Variants in ARHGAP25 observed in about 807,000 individuals in gnomAD.
ARHGAP25 encodes the protein Rho GTPase activating protein 25, also known as rho GTPase-activating protein 25.
Under a neutral mutation model 71.0 loss-of-function variants are expected in ARHGAP25, and 34 were observed. The observed-to-expected ratio is 0.48, with a 90% CI of 0.36 to 0.64. The LOEUF (loss-of-function observed/expected upper bound fraction) is 0.64. ARHGAP25 is among the 30% of genes least tolerant of loss of function. The probability of loss-of-function intolerance (pLI) is 0.00; values close to 1 mark genes in which losing one functional copy is unlikely to be tolerated. For missense variants in ARHGAP25, 706 were observed against 805.1 expected (o/e 0.88, Z 1.49); for synonymous variants, 282 against 296.5 (o/e 0.95, Z 0.50).
upstream of ARHGAP25, among the ~76,000 whole-genome samples, chr2:68,732,693 G>A (rs186204434): frequency 1.8e-4 from 27 of 152,328 alleles, no homozygotes; most frequent in African/African-American, 6.5e-4. Context: ...TGCTGCTGAG[G>A]ACTGGGTGTA....
rs184240662 is a variant in ARHGAP25 at position 68,787,351 on chromosome 2, G to C, written c.350-489G>C. Among the ~76,000 whole-genome samples the C allele has an allele frequency of 1.6e-4, 24 of 152,272 alleles. 1 individual carries two copies. Among genetic ancestry groups the C allele is most frequent in the Middle Eastern group, 3.4e-3 (1 of 294 alleles). Reference sequence around the variant, plus strand: ...AGGAGAGCAGAAATATGATCACCAAGCACCAATTTTGTGAAAAAAGCACAC... The same window carrying C: ...AGGAGAGCAGAAATATGATCACCAACCACCAATTTTGTGAAAAAAGCACAC... On this transcript the variant is annotated intron_variant, in intron 3 of 10. Transcript: ENST00000409202.
chr2:68,789,693 GTGGATGTTGCC>G (rs1679029603), intron 4 of ARHGAP25, among the ~76,000 whole-genome samples: 1 of 152,198 alleles, frequency 6.6e-6, no homozygotes, highest in Non-Finnish European at 1.5e-5. Context: ...GACAAGGGTA[GTGGATGTTGCC>G]TAATCATGCA....
chr2:68,812,999 A>G (rs966338119), intron 5 of ARHGAP25, among the ~76,000 whole-genome samples: 1 of 152,240 alleles, frequency 6.6e-6, no homozygotes, highest in African/African-American at 2.4e-5. Context: ...GAAGAAAGCA[A>G]TAAAGACGAA....
At chr2:68,784,324 G>A (rs545623231) in intron 3 of ARHGAP25, among the ~76,000 whole-genome samples, 39 of 152,170 alleles carry the variant, frequency 2.6e-4, no homozygotes, top group Non-Finnish European at 4.7e-4. Flanking sequence ...TATCCTTCAT[G>A]TTATAACATA....
At position 68,826,561 on chromosome 2, in the gene ARHGAP25, C is replaced by T. The variant is rs1682151702; in HGVS notation, c.*367C>T. ...TTAATTCTTTGTTTTTTGTGTGGAACAGCTCACCTTGTCAGACAGCCTCAG... is the reference window on the plus strand; with the variant it reads ...TTAATTCTTTGTTTTTTGTGTGGAATAGCTCACCTTGTCAGACAGCCTCAG... On this transcript the variant is annotated 3_prime_UTR_variant, in exon 11 of 11. Transcript: ENST00000409202. 2.8e-6 allele frequency: 1 copy of T among 360,568 alleles called. No individual in the cohort carries two copies. 22.3% of individuals were successfully genotyped at this position (360,568 alleles called of 1,614,324 possible). A position where few individuals can be genotyped will look rare whatever the true frequency, so the allele number is the denominator to read the frequency against.
At chr2:68,762,433 G>A (rs1373532255) in intron 1 of ARHGAP25, among the ~76,000 whole-genome samples, 1 of 152,140 alleles carries the variant, frequency 6.6e-6, no homozygotes, top group African/African-American at 2.4e-5. Context: ...AATCACGCAA[G>A]TTATAATTTG....
At position 68,740,129 on chromosome 2, in the gene ARHGAP25, C is replaced by T. The variant is rs112115584; in HGVS notation, c.61+4869C>T. On this transcript the variant is annotated intron_variant, in intron 1 of 10. Transcript: ENST00000409202. ...CAGAGACAAGGAAACAACTGCAAAG[C>T]GGTGAGACAGGTGCTGTGATGATGA... 8.7e-3 allele frequency among the ~76,000 whole-genome samples: 1,321 copies of T among 152,208 alleles called. 23 individuals carry two copies. The highest frequency in any genetic ancestry group is 0.03 in the African/African-American group (1,240 of 41,520).
chr2:68,789,055 C>T (rs1007870874), intron 4 of ARHGAP25, among the ~76,000 whole-genome samples: 6 of 150,844 alleles, frequency 4.0e-5, no homozygotes, highest in South Asian at 2.1e-4. Context: ...TTTTCCGAGA[C>T]GGAGTCTTGG....
At chr2:68,821,220 A>G (rs977045838) in intron 9 of ARHGAP25, among the ~76,000 whole-genome samples, 14 of 148,128 alleles carry the variant, frequency 9.5e-5, no homozygotes, top group African/African-American at 3.5e-4. Flanking sequence ...TCGGCCTCCC[A>G]AGTAGCTGGG....
chr2:68,735,420 G>T lies in ARHGAP25; in HGVS notation c.61+160G>T, dbSNP rs990464532. 1.4e-5 allele frequency: 10 copies of T among 712,720 alleles called. No homozygotes were observed. In the African/African-American group the frequency reaches 1.8e-4, roughly 13 times the overall value. 44.1% of individuals were successfully genotyped at this position (712,720 alleles called of 1,614,324 possible). ...ATTTAAGTTGGCATGCCAGGTCCAAGTTCTAAAATGCTGGGAGGGGGTTCT... is the reference window on the plus strand; with the variant it reads ...ATTTAAGTTGGCATGCCAGGTCCAATTTCTAAAATGCTGGGAGGGGGTTCT... On this transcript the variant is annotated intron_variant, in intron 1 of 10. Transcript: ENST00000409202.
intron 2 of ARHGAP25, among the ~76,000 whole-genome samples, chr2:68,727,387 A>G (rs1674910833): frequency 6.6e-6 from 1 of 152,232 alleles, no homozygotes; most frequent in African/African-American, 2.4e-5. Flanking sequence ...AAATATCAAT[A>G]CAAGTGTGAC....
chr2:68,802,558 G>C (rs6712120), intron 4 of ARHGAP25, among the ~76,000 whole-genome samples: 46,912 of 151,814 alleles, frequency 0.31, 8,343 homozygotes, highest in East Asian at 0.51. Context: ...GTGCCTAGGA[G>C]AGTACCTGGC....
intron 1 of ARHGAP25, among the ~76,000 whole-genome samples, chr2:68,752,378 G>T (rs1351542695): frequency 6.6e-6 from 1 of 151,780 alleles, no homozygotes; most frequent in African/African-American, 2.4e-5. Flanking sequence ...TGCCATTTCT[G>T]TTTCCAAGTT....
chr2:68,815,273 C>T (rs1431917885), intron 6 of ARHGAP25, among the ~76,000 whole-genome samples: 1 of 152,034 alleles, frequency 6.6e-6, no homozygotes, highest in Non-Finnish European at 1.5e-5. Flanking sequence ...TGAATTTACT[C>T]GACTCAACTG....
chr2:68,787,511 T>C (rs899962173), intron 3 of ARHGAP25, among the ~76,000 whole-genome samples: 1 of 152,278 alleles, frequency 6.6e-6, no homozygotes, highest in East Asian at 1.9e-4. Context: ...GGGCTGACCC[T>C]GTCTCATCTA....
intron 6 of ARHGAP25, 70 bp from the exon 7 acceptor site, chr2:68,816,219 G>A: frequency 7.8e-7 from 1 of 1,283,278 alleles, no homozygotes; most frequent in Non-Finnish European, 1.1e-6. Flanking sequence ...TCTGTCCCAG[G>A]GTCTCCTTGC....
chr2:68,775,234 T>C lies in ARHGAP25; in HGVS notation c.75T>C (p.Ser25=). ...TCCTCTCTATAGCTCGGTCAAGGAG[T>C]GTGATGACTGGCGAGCAGATGGCTG... ...VEAAKIARSR[S]VMTGEQMAAF... Residue 25 remains serine (S), a synonymous_variant, in exon 2 of 11, where the codon AGT becomes AGC. Coordinates refer to ENST00000409202, the MANE Select transcript of ARHGAP25 (RefSeq NM_001007231.3). The C allele has an allele frequency of 6.2e-7, 1 of 1,614,090 alleles. No homozygotes were observed. Among genetic ancestry groups the C allele is most frequent in the Non-Finnish European group, 8.5e-7 (1 of 1,180,024 alleles).
intron 7 of ARHGAP25, 150 bp from the exon 8 acceptor site, chr2:68,817,723 G>C (rs775685696): frequency 3.1e-6 from 3 of 979,878 alleles, no homozygotes; most frequent in African/African-American, 1.6e-5. Context: ...TCAGGATGAG[G>C]CTAAATTCTT....
At chr2:68,824,545 A>G (rs754252865) in intron 10 of ARHGAP25, among the ~76,000 whole-genome samples, 7 of 152,230 alleles carry the variant, frequency 4.6e-5, no homozygotes, top group Non-Finnish European at 1.0e-4. Context: ...GATCGAGACC[A>G]TCCTGGCTAA....
Sources: gnomAD v4.1 joint callset for allele counts (sites outside exome capture counted in the v4.1 genomes callset) on GRCh38, gnomAD v4.1.1 for gene constraint, MANE v1.5 for transcripts, NCBI Gene and HGNC (gene_info 2026-07-23, HGNC 2026-07-21) for gene names.